The following CHN2 variants were observed in gnomAD, a reference collection of about 807,000 sequenced individuals.
CHN2 encodes the protein chimerin 2.
CHN2 carries 35 observed loss-of-function variants against 56.3 expected under a neutral mutation model. The observed-to-expected ratio is 0.62, with a 90% CI of 0.47 to 0.82. The LOEUF is 0.82. Among genes scored for constraint, CHN2 ranks in the 40% least tolerant of loss-of-function variants. The pLI, the probability that CHN2 is intolerant of heterozygous loss-of-function variation, is 0.00. For synonymous variants in CHN2, 210 were observed against 212.8 expected (o/e 0.99, Z 0.12); for missense variants, 491 against 580.5 (o/e 0.85, Z 1.58).
intron 6 of CHN2, among the ~76,000 whole-genome samples, chr7:29,470,248 T>C (rs2050246586): frequency 6.6e-6 from 1 of 152,152 alleles, no homozygotes; most frequent in Non-Finnish European, 1.5e-5. Flanking sequence ...CAATTGTAGA[T>C]TTTGGAAATC....
intron 1 of CHN2, among the ~76,000 whole-genome samples, chr7:29,316,797 T>G (rs1220384762): frequency 5.3e-5 from 8 of 151,942 alleles, no homozygotes; most frequent in Admixed American, 2.6e-4. Context: ...GAGTATGGAG[T>G]CTGTCCAGAT....
At chr7:29,448,398 A>G (rs958333883) in intron 6 of CHN2, among the ~76,000 whole-genome samples, 1 of 152,084 alleles carries the variant, frequency 6.6e-6, no homozygotes, top group African/African-American at 2.4e-5. Context: ...TCTAAACTCC[A>G]CTTGAAGAAA....
intron 1 of CHN2, among the ~76,000 whole-genome samples, chr7:29,298,266 A>G (rs567661033): frequency 5.3e-5 from 8 of 152,162 alleles, no homozygotes; most frequent in Non-Finnish European, 1.0e-4. Flanking sequence ...AGCCATGCTC[A>G]CTTGTGCTCT....
At chr7:29,191,113 T>C (rs1431399831), upstream of CHN2, among the ~76,000 whole-genome samples, 1 of 152,038 alleles carries the variant, frequency 6.6e-6, no homozygotes, top group African/African-American at 2.4e-5. Context: ...ATTTTTTATG[T>C]TTTTAGAGAT....
intron 1 of CHN2, 58 bp from the exon 2 acceptor site, chr7:29,354,567 A>G: frequency 1.4e-6 from 2 of 1,476,204 alleles, no homozygotes; most frequent in Non-Finnish European, 1.9e-6. Flanking sequence ...GAGAAGACAC[A>G]TGTTGACAGC....
chr7:29,232,707 T>C (rs1402579769), intron 1 of CHN2, among the ~76,000 whole-genome samples: 1 of 152,234 alleles, frequency 6.6e-6, no homozygotes, highest in East Asian at 1.9e-4. Context: ...GAGCTGATCA[T>C]GTATCCCATC....
chr7:29,377,812 C>T (rs372969509), intron 3 of CHN2, among the ~76,000 whole-genome samples: 74 of 152,318 alleles, frequency 4.9e-4, no homozygotes, highest in African/African-American at 1.6e-3. Flanking sequence ...TCTTGTTGGA[C>T]GGAAAAGCAA....
At chr7:29,273,357 A>ATATATATATATGTG (rs1790871760) in intron 1 of CHN2, among the ~76,000 whole-genome samples, 3 of 76,064 alleles carry the variant, frequency 3.9e-5, no homozygotes, top group African/African-American at 5.8e-5. Context: ...ATATATATAT[A>ATATATATATATGTG]TATATATATA....
intron 6 of CHN2, among the ~76,000 whole-genome samples, chr7:29,405,199 A>ACACT (rs1802545411): frequency 7.4e-6 from 1 of 136,010 alleles, no homozygotes; most frequent in African/African-American, 2.7e-5. Flanking sequence ...ACACACACAC[A>ACACT]CACACACACA....
At chr7:29,275,655 C>G (rs76417412) in intron 1 of CHN2, among the ~76,000 whole-genome samples, 2,363 of 152,218 alleles carry the variant, frequency 0.016, 29 homozygotes, top group Middle Eastern at 0.024. Context: ...TCACCACAGC[C>G]CTTTGAAGGA....
intron 9 of CHN2, among the ~76,000 whole-genome samples, chr7:29,501,148 T>C (rs1789925709): frequency 6.6e-6 from 1 of 152,238 alleles, no homozygotes; most frequent in Non-Finnish European, 1.5e-5. Context: ...AAAGAGGATG[T>C]CATAGCTTAT....
intron 2 of CHN2, among the ~76,000 whole-genome samples, chr7:29,359,212 A>T (rs1349863512): frequency 6.6e-6 from 1 of 152,214 alleles, no homozygotes; most frequent in African/African-American, 2.4e-5. Flanking sequence ...TCAGGAAAGG[A>T]TCAACCCCAT....
chr7:29,357,975 A>G (rs940937140), intron 2 of CHN2, among the ~76,000 whole-genome samples: 4 of 152,234 alleles, frequency 2.6e-5, no homozygotes, highest in Non-Finnish European at 5.9e-5. Context: ...TATATCATGT[A>G]TGGATTCCAT....
At chr7:29,168,421 A>G (rs1308343348) in intron 2 of CHN2, among the ~76,000 whole-genome samples, 1 of 152,210 alleles carries the variant, frequency 6.6e-6, no homozygotes, top group East Asian at 1.9e-4. Flanking sequence ...AGAATATTCT[A>G]ATAAGCCTCC....
chr7:29,450,927 C>T (rs553945754), intron 6 of CHN2, among the ~76,000 whole-genome samples: 13 of 152,116 alleles, frequency 8.5e-5, no homozygotes, highest in South Asian at 8.3e-4. Flanking sequence ...CCCACCATCA[C>T]GCCCGGCTAA....
chr7:29,512,498 T>TAATC (rs1188279679), intron 12 of CHN2, 66 bp from the exon 13 acceptor site: 1 of 1,407,312 alleles, frequency 7.1e-7, no homozygotes, highest in African/African-American at 1.4e-5. Context: ...CTTACATACA[T>TAATC]AATCAATACA....
At chr7:29,176,225 CTATT>C (rs1295289302) in intron 2 of CHN2, among the ~76,000 whole-genome samples, 2 of 151,444 alleles carry the variant, frequency 1.3e-5, no homozygotes, top group African/African-American at 4.8e-5. Flanking sequence ...AAGACCATGA[CTATT>C]TATTTATTCT....
At chr7:29,159,520 G>A (rs544209600) in intron 2 of CHN2, among the ~76,000 whole-genome samples, 10 of 152,280 alleles carry the variant, frequency 6.6e-5, no homozygotes, top group African/African-American at 2.2e-4. Flanking sequence ...CATGTAACAT[G>A]TATGTGTTAT....
chr7:29,187,461 C>A (rs1349717690), intron 2 of CHN2, among the ~76,000 whole-genome samples: 1 of 152,076 alleles, frequency 6.6e-6, no homozygotes, highest in African/African-American at 2.4e-5. Flanking sequence ...CGGTGGCTCA[C>A]GCCTGTAATC....
Sources: gnomAD v4.1 joint callset for allele counts (sites outside exome capture counted in the v4.1 genomes callset) on GRCh38, gnomAD v4.1.1 for gene constraint, MANE v1.5 for transcripts, NCBI Gene and HGNC (gene_info 2026-07-23, HGNC 2026-07-21) for gene names.